Variants in SGPL1 observed in about 807,000 individuals in gnomAD.
The protein encoded by SGPL1 is SP-lyase 1.
Under a neutral mutation model 68.9 loss-of-function variants are expected in SGPL1, and 37 were observed. The observed-to-expected ratio is 0.54, with a 90% CI of 0.41 to 0.71. The LOEUF is 0.71. Ranked by LOEUF, SGPL1 falls within the 30% of genes least tolerant of loss-of-function variation. SGPL1 has a pLI of 0.00. For synonymous variants in SGPL1, 236 were observed against 248.5 expected, an observed-to-expected ratio of 0.95 and a Z score of 0.47; for missense variants, 551 against 704.6, an observed-to-expected ratio of 0.78 and a Z score of 2.47.
chr10:70,818,494 C>T (rs1300204742), intron 2 of SGPL1, among the ~76,000 whole-genome samples: 1 of 152,246 alleles, frequency 6.6e-6, no homozygotes, highest in Admixed American at 6.5e-5. Context: ...CAATTCATTT[C>T]TCTCTCTTTA....
chr10:70,868,646 T>G (rs1846237137), intron 8 of SGPL1, among the ~76,000 whole-genome samples: 1 of 144,066 alleles, frequency 6.9e-6, no homozygotes. Context: ...ATCATTCCCA[T>G]CCCGCCCCAC....
intron 2 of SGPL1, among the ~76,000 whole-genome samples, chr10:70,818,820 A>G (rs943177614): frequency 2.6e-5 from 4 of 152,204 alleles, no homozygotes; most frequent in Non-Finnish European, 5.9e-5. Flanking sequence ...TATAACTTAA[A>G]ATTCTTATTC....
At chr10:70,817,261 C>T (rs1845250067) in intron 2 of SGPL1, among the ~76,000 whole-genome samples, 1 of 152,204 alleles carries the variant, frequency 6.6e-6, no homozygotes, top group Non-Finnish European at 1.5e-5. Context: ...TGTGGTGATC[C>T]ACCCGCCTTG....
chr10:70,860,398 A>T (rs1391134276), intron 7 of SGPL1: 1 of 468,304 alleles, frequency 2.1e-6, no homozygotes, highest in Non-Finnish European at 4.4e-6. Context: ...TCCAGGAAGC[A>T]TTGTTTTTGT....
intron 7 of SGPL1, chr10:70,866,413 G>A (rs1479937860): frequency 6.6e-6 from 1 of 152,004 alleles, no homozygotes; most frequent in Non-Finnish European, 1.5e-5. Flanking sequence ...GAAAAAAGTA[G>A]AATTTAGGTA....
chr10:70,818,902 A>G (rs1159234255), intron 2 of SGPL1, among the ~76,000 whole-genome samples: 2 of 152,350 alleles, frequency 1.3e-5, no homozygotes, highest in Middle Eastern at 3.4e-3. Flanking sequence ...AATCTCCCCT[A>G]TCTCCTACAT....
intron 3 of SGPL1, among the ~76,000 whole-genome samples, chr10:70,848,454 CTTTTTTTTTTTT>C (rs55860254): frequency 0.23 from 16,085 of 70,922 alleles, 1,267 homozygotes; most frequent in Middle Eastern, 0.27. Flanking sequence ...ACCTCACGTA[CTTTTTTTTTTTT>C]TTTTTTTTTT....
At chr10:70,857,534 T>C in intron 5 of SGPL1, 80 bp from the exon 6 acceptor site, 1 of 1,148,564 alleles carries the variant, frequency 8.7e-7, no homozygotes, top group Admixed American at 1.7e-5. Flanking sequence ...CAGAGGAGTT[T>C]CTTCCTGTTT....
intron 2 of SGPL1, among the ~76,000 whole-genome samples, chr10:70,829,470 T>G (rs1412578597): frequency 1.3e-5 from 2 of 152,232 alleles, no homozygotes; most frequent in African/African-American, 4.8e-5. Context: ...ATTGGATAAT[T>G]CAGGTTCACT....
chr10:70,862,704 A>G (rs1846097052), intron 7 of SGPL1, among the ~76,000 whole-genome samples: 1 of 152,056 alleles, frequency 6.6e-6, no homozygotes, highest in African/African-American at 2.4e-5. Flanking sequence ...TAAGAGCTGT[A>G]ACACTCACTG....
chr10:70,828,603 G>T (rs1348411193), intron 2 of SGPL1, among the ~76,000 whole-genome samples: 1 of 152,188 alleles, frequency 6.6e-6, no homozygotes, highest in Non-Finnish European at 1.5e-5. Flanking sequence ...ATACACAATT[G>T]ATGGGAACAA....
chr10:70,816,904 CT>C (rs1845242481), intron 2 of SGPL1, 24 bp downstream of exon 2: 3 of 1,612,870 alleles, frequency 1.9e-6, no homozygotes, highest in African/African-American at 2.7e-5. Flanking sequence ...AGACATCCTC[CT>C]GGTTCCAAGG....
chr10:70,867,890 G>A (rs1225343723), intron 7 of SGPL1, among the ~76,000 whole-genome samples: 1 of 152,152 alleles, frequency 6.6e-6, no homozygotes, highest in African/African-American at 2.4e-5. Context: ...AAAATCAGCA[G>A]TTTACTTTGT....
In SGPL1 at chr10:70,875,564, C is replaced by T. The variant is rs374749735; in HGVS notation, c.1445+16C>T. On this transcript the variant is annotated intron_variant, in intron 13 of 14. Transcript: ENST00000373202. ...TCCCACCCAGGTAAGCTTGAAGAAG[C>T]CTCTTTCCCTTATTTTGCTCCATGA... 2.1e-4 allele frequency: 339 copies of T among 1,593,670 alleles called. No homozygotes were observed. Among genetic ancestry groups the T allele is most frequent in the Non-Finnish European group, 2.7e-4 (320 of 1,168,886 alleles).
chr10:70,839,918 C>CAA (rs898761996), intron 2 of SGPL1, among the ~76,000 whole-genome samples: 3 of 139,022 alleles, frequency 2.2e-5, no homozygotes, highest in African/African-American at 7.9e-5. Context: ...ATAAAAATTG[C>CAA]AAAAAAAAAA....
rs117447142 is a variant in SGPL1, at chr10:70,831,233, A to G, written c.28-13240A>G. 5.7e-3 allele frequency among the ~76,000 whole-genome samples: 870 copies of G among 152,182 alleles called. 2 individuals carry two copies. Among genetic ancestry groups the G allele is most frequent in the Non-Finnish European group, 8.9e-3 (606 of 67,992 alleles). On this transcript the variant is annotated intron_variant, in intron 2 of 14. Transcript: ENST00000373202. ...CTCTCTCCTCTACTCTCACACCACA[A>G]CAATCAACACCGAAGACTTCCGTGA...
At chr10:70,841,200 G>C (rs925686912) in intron 2 of SGPL1, among the ~76,000 whole-genome samples, 4 of 152,074 alleles carry the variant, frequency 2.6e-5, no homozygotes, top group African/African-American at 9.7e-5. Flanking sequence ...GGGCTCTGGG[G>C]AATGGCCACC....
chr10:70,817,120 A>G (rs1845247267), intron 2 of SGPL1, among the ~76,000 whole-genome samples: 1 of 152,140 alleles, frequency 6.6e-6, no homozygotes, highest in African/African-American at 2.4e-5. Context: ...CCTGGGTTCA[A>G]GCGATTCTCC....
At chr10:70,862,754 G>A (rs1216156649) in intron 7 of SGPL1, among the ~76,000 whole-genome samples, 2 of 151,934 alleles carry the variant, frequency 1.3e-5, no homozygotes, top group Admixed American at 6.6e-5. Context: ...GCGAGACCAC[G>A]AACGCACCAG....
Sources: allele counts gnomAD v4.1 joint callset (sites outside exome capture counted in the v4.1 genomes callset), GRCh38; gene constraint gnomAD v4.1.1; transcripts MANE v1.5; gene names NCBI Gene and HGNC (gene_info 2026-07-23, HGNC 2026-07-21).